PKN3: variants seen among roughly 807,000 people sequenced by gnomAD.
The protein encoded by PKN3 is protein kinase N3, also known as serine/threonine-protein kinase N3.
In PKN3, 91 loss-of-function variants were observed where a neutral mutation model predicts 113.1. That is an observed-to-expected ratio of 0.80 (90% CI 0.68 to 0.96). PKN3 has a LOEUF of 0.96. Among genes scored for constraint, PKN3 ranks in the 40% least tolerant of loss-of-function variants. PKN3 has a pLI of 0.00. For missense variants in PKN3, 1,052 were observed against 1,202.2 expected, an observed-to-expected ratio of 0.88 and a Z score of 1.85; for synonymous variants, 467 against 499.0, an observed-to-expected ratio of 0.94 and a Z score of 0.85.
chr9:128,703,375 G>A, intron 1 of PKN3: 1 of 985,454 alleles, frequency 1.0e-6, no homozygotes, highest in Non-Finnish European at 1.2e-6. Flanking sequence ...TGCGCGCTTG[G>A]CAGTGGCAGG....
chr9:128,706,707 C>G lies in PKN3; in HGVS notation c.412-6C>G. On this transcript the variant is annotated splice_polypyrimidine_tract_variant and splice_region_variant and intron_variant, in intron 3 of 21. Transcript: ENST00000291906. ...GGTCTGATGGGCCTGTGCTATGGCTCCATAGGAGAGGAAGCTCCTGGCAGC... is the reference window on the plus strand; with the variant it reads ...GGTCTGATGGGCCTGTGCTATGGCTGCATAGGAGAGGAAGCTCCTGGCAGC... 6.4e-7 allele frequency: 1 copy of G among 1,556,284 alleles called. No individual in the cohort carries two copies. Among genetic ancestry groups the G allele is most frequent in the Non-Finnish European group, 8.7e-7 (1 of 1,150,094 alleles).
chr9:128,720,192 C>G lies in PKN3; in HGVS notation c.2377-11C>G, dbSNP rs1862491625. On this transcript the variant is annotated splice_polypyrimidine_tract_variant and intron_variant, in intron 20 of 21. Transcript: ENST00000291906. This position sits in a 1 kb window ranked among gnomAD's most constrained non-coding sequence, Gnocchi z 5.5. ...TGAATGCCCTAAGTGAGCGCCTGTCCTATTGCCCAGCTCCTCCAGAAGTGC... is the reference window on the plus strand; with the variant it reads ...TGAATGCCCTAAGTGAGCGCCTGTCGTATTGCCCAGCTCCTCCAGAAGTGC... 1.9e-6 allele frequency: 3 copies of G among 1,612,780 alleles called. No homozygotes were observed. Among genetic ancestry groups the G allele is most frequent in the Non-Finnish European group, 8.5e-7 (1 of 1,179,462 alleles).
chr9:128,720,649 T>TA lies in PKN3; in HGVS notation c.*44dup. 2 of 1,541,208 alleles carry TA rather than the reference T, an allele frequency of 1.3e-6. No individual in the cohort carries two copies. The highest frequency in any genetic ancestry group is 1.8e-6 in the Non-Finnish European group (2 of 1,122,462). The stretch of plus-strand genomic sequence containing the variant: ...TCTGTCCCCTTCCCCCACAGACTGT[T>TA]AGAGCCTCTGCTCGTTCACCCGTGC... On this transcript the variant is annotated 3_prime_UTR_variant, in exon 22 of 22. Transcript: ENST00000291906. This position sits in a 1 kb window ranked among gnomAD's most constrained non-coding sequence, Gnocchi z 5.5.
At position 128,714,564 on chromosome 9, in the gene PKN3, A is replaced by G; in HGVS notation, c.1484A>G (p.Asn495Ser). 8.0e-7 allele frequency: 1 copy of G among 1,242,358 alleles called. No individual in the cohort carries two copies. The highest frequency in any genetic ancestry group is 1.2e-6 in the Non-Finnish European group (1 of 840,632). The allele number at this position is 1,242,358 out of a possible 1,614,324, so 77.0% of individuals were successfully genotyped here. The change falls in exon 12 of 22, where the codon AAT becomes AGT. Residue 495 changes from asparagine (N) to serine (S), a missense_variant and splice_region_variant. Physicochemically the swap from Asn to Ser is conservative, Grantham distance 46 (BLOSUM62 1). This residue lies in a region of PKN3 where 719 missense variants were observed against 759.4 expected (regional missense o/e 0.95). Coordinates refer to ENST00000291906, the MANE Select transcript of PKN3 (RefSeq NM_013355.5). ...CTGTGTCTACTTTCTCCCTACAGTA[A>G]TTTCCTGCCCAAGAAGACCCCCTTG... ...REASDPATPS[N>S]FLPKKTPLGE...
intron 10 of PKN3, 30 bp downstream of exon 10, chr9:128,714,151 G>A (rs915557484): frequency 6.2e-7 from 1 of 1,613,926 alleles, no homozygotes; most frequent in African/African-American, 1.3e-5. Context: ...TATGTGTGAG[G>A]GAGCAGGGCT....
At position 128,715,269 on chromosome 9, in the gene PKN3, T is replaced by C; in HGVS notation, c.1716+34T>C. 6.2e-7 allele frequency: 1 copy of C among 1,611,366 alleles called. No homozygotes were observed. The highest frequency in any genetic ancestry group is 8.5e-7 in the Non-Finnish European group (1 of 1,177,646). ...CTGAAGAGGGTGGTATGGGACGGGA[T>C]TGGGGGCCTCATCACATGAGCCGGG... is the stretch of plus-strand genomic sequence containing the variant. On this transcript the variant is annotated intron_variant, in intron 14 of 21. Transcript: ENST00000291906. The surrounding 1 kb of genome is among the most constrained non-coding windows in gnomAD (Gnocchi z 4.1).
At position 128,703,015 on chromosome 9, in the gene PKN3, G is replaced by A. The variant is rs530366875; in HGVS notation, c.24+76G>A. 1,573 of 1,028,594 alleles carry A rather than the reference G, an allele frequency of 1.5e-3. 2 individuals are homozygous for A. Among genetic ancestry groups the A allele is most frequent in the Middle Eastern group, 3.2e-3 (10 of 3,078 alleles). 63.7% of individuals were successfully genotyped at this position (1,028,594 alleles called of 1,614,324 possible). On this transcript the variant is annotated intron_variant, in intron 1 of 21. Coordinates refer to ENST00000291906, the MANE Select transcript of PKN3 (RefSeq NM_013355.5). The stretch of plus-strand genomic sequence containing the variant: ...TGTCATCGCCCCGGAGCCCCGAACC[G>A]CGGCCGCTTCCCCCGATCCTCCCCT...
At chr9:128,711,123 A>G (rs894409442) in intron 6 of PKN3, among the ~76,000 whole-genome samples, 5 of 151,868 alleles carry the variant, frequency 3.3e-5, no homozygotes, top group Non-Finnish European at 1.5e-5. Flanking sequence ...CTCCTGCCTC[A>G]GCCTCTTGAA....
rs976000695 is a variant in PKN3 at position 128,702,849 on chromosome 9, C to A, written c.-67C>A. On this transcript the variant is annotated 5_prime_UTR_variant, in exon 1 of 22. Transcript: ENST00000291906. ...GAAGTTTCAAGTTTGAAAGTCCTGG[C>A]GGAGGGTCTGCGGCTTCCGGGACCG... is the stretch of plus-strand genomic sequence containing the variant. The A allele has an allele frequency of 1.1e-5, 13 of 1,182,988 alleles. No individual in the cohort carries two copies. Among genetic ancestry groups the A allele is most frequent in the African/African-American group, 1.6e-5 (1 of 62,566 alleles). The allele number at this position is 1,182,988 out of a possible 1,614,324, so 73.3% of individuals were successfully genotyped here. A position where few individuals can be genotyped will look rare whatever the true frequency, so the allele number is the denominator to read the frequency against.
In PKN3 at chr9:128,715,309, G is replaced by T; in HGVS notation, c.1717-60G>T. The stretch of plus-strand genomic sequence containing the variant: ...CATGAGCCGGGAGGACCTGATCTGT[G>T]GGGGCGGTAAAGGCTCCCTGGTCTG... On this transcript the variant is annotated intron_variant, in intron 14 of 21. Coordinates refer to ENST00000291906, the MANE Select transcript of PKN3 (RefSeq NM_013355.5). This position sits in a 1 kb window ranked among gnomAD's most constrained non-coding sequence, Gnocchi z 4.1. 2 of 1,606,062 alleles carry T rather than the reference G, an allele frequency of 1.2e-6. No individual in the cohort carries two copies. Among genetic ancestry groups the T allele is most frequent in the Non-Finnish European group, 1.7e-6 (2 of 1,172,812 alleles).
Position 128,716,000 on chromosome 9 carries a change from A to C in PKN3, c.1808+540A>C, listed in dbSNP as rs1862325151. ...AATGAGACCTCATCTAAAAAAACTA[A>C]TTAAAAAAAAAAAAAGGAGGGGGAG... On this transcript the variant is annotated intron_variant, in intron 15 of 21. Coordinates refer to ENST00000291906, the MANE Select transcript of PKN3 (RefSeq NM_013355.5). This position sits in a 1 kb window ranked among gnomAD's most constrained non-coding sequence, Gnocchi z 4.1. 6.7e-6 allele frequency among the ~76,000 whole-genome samples: 1 copy of C among 148,816 alleles called. No homozygotes were observed. Among genetic ancestry groups the C allele is most frequent in the Admixed American group, 6.7e-5 (1 of 14,880 alleles).
chr9:128,712,368 C>A (rs955882068), intron 6 of PKN3, among the ~76,000 whole-genome samples: 2 of 152,184 alleles, frequency 1.3e-5, no homozygotes, highest in Non-Finnish European at 2.9e-5. Context: ...CTTTCTCTAC[C>A]CTTTGAGGGA....
At chr9:128,704,977 C>T (rs778607025) in intron 1 of PKN3, among the ~76,000 whole-genome samples, 11 of 151,990 alleles carry the variant, frequency 7.2e-5, no homozygotes, top group South Asian at 2.1e-4. Context: ...CCACCGCTAC[C>T]GGGTGGGGTG....
chr9:128,703,696 C>A, intron 1 of PKN3: 1 of 985,392 alleles, frequency 1.0e-6, no homozygotes, highest in South Asian at 4.7e-5. Context: ...GGAGTTCCAA[C>A]CCAGGGCAGA....
intron 1 of PKN3, chr9:128,704,109 G>A (rs1199077313): frequency 2.0e-6 from 2 of 985,328 alleles, no homozygotes; most frequent in African/African-American, 3.5e-5. Context: ...CTGGGCTCAG[G>A]AGAAGATGGA....
chr9:128,720,687 G>C lies in PKN3; in HGVS notation c.*81G>C. ...CGTTCACCCGTGCGCCCTGCCTGGA[G>C]GTCCAGGCCTTGCTGGGTACTTCTG... On this transcript the variant is annotated 3_prime_UTR_variant, in exon 22 of 22. Coordinates refer to ENST00000291906, the MANE Select transcript of PKN3 (RefSeq NM_013355.5). The surrounding 1 kb of genome is among the most constrained non-coding windows in gnomAD (Gnocchi z 5.5). 4.1e-6 allele frequency: 5 copies of C among 1,228,812 alleles called. No individual in the cohort carries two copies. Among genetic ancestry groups the C allele is most frequent in the Non-Finnish European group, 4.6e-6 (4 of 866,418 alleles). The allele number at this position is 1,228,812 out of a possible 1,614,324, so 76.1% of individuals were successfully genotyped here.
intron 12 of PKN3, 30 bp downstream of exon 12, chr9:128,714,694 A>G: frequency 7.5e-7 from 1 of 1,339,678 alleles, no homozygotes; most frequent in Non-Finnish European, 1.1e-6. Flanking sequence ...AGTGGCTCCT[A>G]GGGCCGGCTG....
At position 128,705,582 on chromosome 9, in the gene PKN3, C is replaced by T. The variant is rs755514042; in HGVS notation, c.265+39C>T. 10 of 1,548,478 alleles carry T rather than the reference C, an allele frequency of 6.5e-6. No homozygotes were observed. The South Asian group carries it at 1.1e-4, about 17-fold the overall frequency. On this transcript the variant is annotated intron_variant, in intron 2 of 21. Coordinates refer to ENST00000291906, the MANE Select transcript of PKN3 (RefSeq NM_013355.5). ...TGAGACCCCCTCAGGACAGAAGGCT[C>T]TAGGCCCATCTGGCCCCTGGCCTTG...
At chr9:128,705,565 C>A in intron 2 of PKN3, 22 bp downstream of exon 2, 1 of 1,552,020 alleles carries the variant, frequency 6.4e-7, no homozygotes. Context: ...GCTGAGACCC[C>A]CTCAGGACAG....
Sources: gnomAD v4.1 joint callset for allele counts (sites outside exome capture counted in the v4.1 genomes callset) on GRCh38, gnomAD v4.1.1 for gene constraint, gnomAD v4.1.1 regional missense constraint, Gnocchi (gnomAD v3.1) non-coding constraint, MANE v1.5 for transcripts, NCBI Gene and HGNC (gene_info 2026-07-23, HGNC 2026-07-21) for gene names.